The following SGIP1 variants were observed in gnomAD, a reference collection of about 807,000 sequenced individuals.
SGIP1 encodes SH3-containing GRB2-like protein 3-interacting protein 1.
Under a neutral mutation model 107.5 loss-of-function variants are expected in SGIP1, and 38 were observed. That is an observed-to-expected ratio of 0.35 (90% CI 0.27 to 0.46). The LOEUF is 0.46. SGIP1 is among the 20% of genes least tolerant of loss of function. The pLI, the probability that SGIP1 is intolerant of heterozygous loss-of-function variation, is 1.00. For missense variants in SGIP1, 929 were observed against 1,019.5 expected, an observed-to-expected ratio of 0.91 and a Z score of 1.21; for synonymous variants, 365 against 366.1, an observed-to-expected ratio of 1.00 and a Z score of 0.03.
At chr1:66,741,016 A>G (rs2094432586) in intron 23 of SGIP1, among the ~76,000 whole-genome samples, 1 of 152,178 alleles carries the variant, frequency 6.6e-6, no homozygotes, top group South Asian at 2.1e-4. Context: ...CTCTCCTCAG[A>G]TATTAATCAT....
At chr1:66,551,617 T>C (rs2057422390) in intron 1 of SGIP1, among the ~76,000 whole-genome samples, 1 of 152,176 alleles carries the variant, frequency 6.6e-6, no homozygotes, top group South Asian at 2.1e-4. Context: ...TTAAGAAATA[T>C]GTAAAAACAT....
chr1:66,671,472 C>G (rs1282702790), intron 10 of SGIP1, among the ~76,000 whole-genome samples: 2 of 152,256 alleles, frequency 1.3e-5, no homozygotes, highest in East Asian at 1.9e-4. Flanking sequence ...TTTTCCTCTG[C>G]TGCATACAAC....
At chr1:66,602,323 G>T (rs960562069) in intron 1 of SGIP1, among the ~76,000 whole-genome samples, 1 of 152,082 alleles carries the variant, frequency 6.6e-6, no homozygotes, top group African/African-American at 2.4e-5. Context: ...CCTTAGAATC[G>T]CCTGGAGACC....
intron 2 of SGIP1, among the ~76,000 whole-genome samples, chr1:66,628,017 G>A (rs187312973): frequency 4.6e-5 from 7 of 151,606 alleles, no homozygotes; most frequent in Non-Finnish European, 1.0e-4. Context: ...TTGTCCTCGC[G>A]ATAGTTTGCT....
chr1:66,625,956 A>G, intron 2 of SGIP1, 46 bp downstream of exon 2: 3 of 1,497,944 alleles, frequency 2.0e-6, no homozygotes, highest in Non-Finnish European at 2.8e-6. Flanking sequence ...TATTTGCATA[A>G]GAGATGCTCT....
At chr1:66,602,655 T>A (rs1477466118) in intron 1 of SGIP1, among the ~76,000 whole-genome samples, 2 of 151,430 alleles carry the variant, frequency 1.3e-5, no homozygotes, top group South Asian at 4.2e-4. Context: ...AATAAATAAA[T>A]AAATAAATAA....
At chr1:66,601,504 T>C (rs1243302655) in intron 1 of SGIP1, among the ~76,000 whole-genome samples, 1 of 152,132 alleles carries the variant, frequency 6.6e-6, no homozygotes, top group African/African-American at 2.4e-5. Context: ...GGGTTATTTG[T>C]TTTTGAGTAT....
chr1:66,600,158 A>G lies in SGIP1; in HGVS notation c.11-25689A>G, dbSNP rs536946470. 4.6e-5 allele frequency among the ~76,000 whole-genome samples: 7 copies of G among 152,332 alleles called. No homozygotes were observed. In the South Asian group the frequency reaches 1.5e-3, roughly 32 times the overall value. Reference sequence around the variant, plus strand: ...CTTATGAACAGCACGTTAAACAGTCAGCCTTTGTGCCTTTGGGCTCATTTC... The same window carrying G: ...CTTATGAACAGCACGTTAAACAGTCGGCCTTTGTGCCTTTGGGCTCATTTC... On this transcript the variant is annotated intron_variant, in intron 1 of 24. Transcript: ENST00000371037.
Position 66,624,377 on chromosome 1 carries a change from T to C in SGIP1, c.11-1470T>C, listed in dbSNP as rs1267405546. On this transcript the variant is annotated intron_variant, in intron 1 of 24. Coordinates refer to ENST00000371037, the MANE Select transcript of SGIP1 (RefSeq NM_032291.4). Reference sequence around the variant, plus strand: ...AGAAGGTGTTTCTTAATATTATGGGTGGGTAGTTTTAAATGTCAATACATT... The same window carrying C: ...AGAAGGTGTTTCTTAATATTATGGGCGGGTAGTTTTAAATGTCAATACATT... Among the ~76,000 whole-genome samples, 3 of 152,306 alleles carry C rather than the reference T, an allele frequency of 2.0e-5. No individual in the cohort carries two copies. The East Asian group carries it at 5.8e-4, about 29-fold the overall frequency.
At chr1:66,592,260 G>T (rs926196197) in intron 1 of SGIP1, among the ~76,000 whole-genome samples, 3 of 152,114 alleles carry the variant, frequency 2.0e-5, no homozygotes, top group Admixed American at 6.5e-5. Context: ...GTGGCCTTCC[G>T]CAGTGTATTG....
At chr1:66,699,914 AAAAAT>A (rs1241208303) in intron 18 of SGIP1, among the ~76,000 whole-genome samples, 1 of 152,212 alleles carries the variant, frequency 6.6e-6, no homozygotes, top group Non-Finnish European at 1.5e-5. Context: ...TTGAAAAATG[AAAAAT>A]AAAATAAAAA....
At chr1:66,553,350 T>C (rs1407064994) in intron 1 of SGIP1, among the ~76,000 whole-genome samples, 1 of 152,132 alleles carries the variant, frequency 6.6e-6, no homozygotes, top group Admixed American at 6.6e-5. Flanking sequence ...AGATGGCATT[T>C]TTTTTTTCAT....
chr1:66,662,035 C>T lies in SGIP1; in HGVS notation c.471+1511C>T, dbSNP rs139279210. Among the ~76,000 whole-genome samples the T allele has an allele frequency of 3.9e-5, 6 of 152,198 alleles. No individual in the cohort carries two copies. The East Asian group carries it at 9.6e-4, about 24-fold the overall frequency. On this transcript the variant is annotated intron_variant, in intron 8 of 24. Coordinates refer to ENST00000371037, the MANE Select transcript of SGIP1 (RefSeq NM_032291.4). ...CTGATTGAATATAATAGACAGTCTCCGTAATCTAACTTGTAATATGTAGTC... is the reference window on the plus strand; with the variant it reads ...CTGATTGAATATAATAGACAGTCTCTGTAATCTAACTTGTAATATGTAGTC...
intron 7 of SGIP1, among the ~76,000 whole-genome samples, chr1:66,657,718 A>G (rs890192950): frequency 6.7e-6 from 1 of 149,630 alleles, no homozygotes; most frequent in Non-Finnish European, 1.5e-5. Context: ...ACTATTGGAC[A>G]AAAAAAAATC....
intron 1 of SGIP1, among the ~76,000 whole-genome samples, chr1:66,571,146 G>A (rs950332237): frequency 6.6e-6 from 1 of 151,946 alleles, no homozygotes; most frequent in Admixed American, 6.6e-5. Context: ...TAAACTACAA[G>A]TTATAGGAAA....
chr1:66,560,183 T>C (rs1460691851), intron 1 of SGIP1, among the ~76,000 whole-genome samples: 2 of 152,044 alleles, frequency 1.3e-5, no homozygotes, highest in African/African-American at 2.4e-5. Context: ...CCTCTAAATA[T>C]TTAGTTTGAC....
chr1:66,719,943 A>G (rs951588469), intron 19 of SGIP1, among the ~76,000 whole-genome samples: 2 of 152,194 alleles, frequency 1.3e-5, no homozygotes, highest in African/African-American at 4.8e-5. Context: ...AAAATGAAAG[A>G]GAAAGAAAAA....
At chr1:66,614,735 A>G (rs2068790949) in intron 1 of SGIP1, among the ~76,000 whole-genome samples, 1 of 149,512 alleles carries the variant, frequency 6.7e-6, no homozygotes. Context: ...CTCCTACTTT[A>G]TCTACCTCTC....
At chr1:66,742,556 G>A (rs1447550555) in intron 24 of SGIP1, among the ~76,000 whole-genome samples, 1 of 131,366 alleles carries the variant, frequency 7.6e-6, no homozygotes, top group Non-Finnish European at 1.5e-5. Context: ...TGCAAGCTCC[G>A]CCTCTTGGGT....
Sources: gnomAD v4.1 joint callset for allele counts (sites outside exome capture counted in the v4.1 genomes callset) on GRCh38, gnomAD v4.1.1 for gene constraint, MANE v1.5 for transcripts, NCBI Gene and HGNC (gene_info 2026-07-23, HGNC 2026-07-21) for gene names.